Variants in NEGR1 observed in about 807,000 individuals in gnomAD.
NEGR1 encodes IgLON family member 4.
Under a neutral mutation model 40.9 loss-of-function variants are expected in NEGR1, and 10 were observed. The ratio of observed to expected loss-of-function variants is 0.24; its 90% CI spans 0.15 to 0.42. The LOEUF (loss-of-function observed/expected upper bound fraction) is 0.42. NEGR1 is among the 10% of genes least tolerant of loss of function. The pLI is 1.00. For synonymous variants in NEGR1, 185 were observed against 166.8 expected (o/e 1.11, Z -0.84); for missense variants, 352 against 438.9 (o/e 0.80, Z 1.77).
chr1:72,040,308 A>C (rs1442593114), intron 1 of NEGR1, among the ~76,000 whole-genome samples: 2 of 151,912 alleles, frequency 1.3e-5, no homozygotes, highest in Non-Finnish European at 2.9e-5. Flanking sequence ...TTCTGTGTTG[A>C]ATCTGCAATA....
At chr1:71,822,621 G>A (rs1658472991) in intron 2 of NEGR1, among the ~76,000 whole-genome samples, 1 of 151,988 alleles carries the variant, frequency 6.6e-6, no homozygotes, top group Non-Finnish European at 1.5e-5. Flanking sequence ...GGACACATGA[G>A]GGCAGGTTGA....
chr1:71,443,044 T>C (rs934479538), intron 6 of NEGR1, among the ~76,000 whole-genome samples: 2 of 152,172 alleles, frequency 1.3e-5, no homozygotes, highest in Non-Finnish European at 2.9e-5. Flanking sequence ...CTTTGAGTAA[T>C]ATTTGTTCAC....
chr1:72,055,076 T>C (rs1042150511), intron 1 of NEGR1, among the ~76,000 whole-genome samples: 17 of 151,336 alleles, frequency 1.1e-4, no homozygotes, highest in Admixed American at 2.6e-4. Context: ...ATAGGTGACG[T>C]AGACCACATG....
intron 6 of NEGR1, chr1:71,422,863 A>C (rs1268289527): frequency 6.6e-6 from 1 of 151,612 alleles, no homozygotes; most frequent in Admixed American, 6.6e-5. Flanking sequence ...CTGCAAATAC[A>C]TCTCTTTATA....
intron 1 of NEGR1, among the ~76,000 whole-genome samples, chr1:72,024,120 T>C (rs982146773): frequency 6.6e-6 from 1 of 152,154 alleles, no homozygotes; most frequent in Non-Finnish European, 1.5e-5. Flanking sequence ...AAACTTAGAT[T>C]AGAATGTTTG....
At chr1:71,987,284 A>G (rs142399027) in intron 1 of NEGR1, among the ~76,000 whole-genome samples, 7 of 152,280 alleles carry the variant, frequency 4.6e-5, no homozygotes, top group African/African-American at 1.7e-4. Flanking sequence ...TGAAAGAAGT[A>G]CTCGAGGGTT....
At chr1:71,994,026 C>G (rs1646479351) in intron 1 of NEGR1, among the ~76,000 whole-genome samples, 1 of 152,104 alleles carries the variant, frequency 6.6e-6, no homozygotes, top group African/African-American at 2.4e-5. Context: ...GCCTTCTTAT[C>G]CCCAAGACCT....
At chr1:71,567,708 G>A (rs907498202) in intron 6 of NEGR1, among the ~76,000 whole-genome samples, 7 of 152,070 alleles carry the variant, frequency 4.6e-5, no homozygotes, top group East Asian at 1.9e-4. Context: ...TACACTAAAT[G>A]TTTGTGTCCC....
intron 2 of NEGR1, among the ~76,000 whole-genome samples, chr1:71,830,806 G>A (rs1361147676): frequency 6.6e-6 from 1 of 151,822 alleles, no homozygotes; most frequent in African/African-American, 2.4e-5. Context: ...CATTCGTTCA[G>A]TAGATATTCA....
intron 2 of NEGR1, among the ~76,000 whole-genome samples, chr1:71,841,543 C>T (rs1659238274): frequency 6.6e-6 from 1 of 151,942 alleles, no homozygotes; most frequent in Non-Finnish European, 1.5e-5. Context: ...CATATTTGTC[C>T]CCCACTGGGG....
intron 1 of NEGR1, among the ~76,000 whole-genome samples, chr1:72,269,753 GT>G (rs1013904924): frequency 5.3e-5 from 8 of 150,798 alleles, no homozygotes; most frequent in African/African-American, 9.7e-5. Flanking sequence ...TGGATGAGAG[GT>G]TTTTTTCAGA....
chr1:71,729,082 C>T (rs1478485614), intron 3 of NEGR1, among the ~76,000 whole-genome samples: 3 of 152,084 alleles, frequency 2.0e-5, no homozygotes, highest in African/African-American at 7.2e-5. Flanking sequence ...CTCACACCCT[C>T]TCCTTTTTCT....
intron 1 of NEGR1, among the ~76,000 whole-genome samples, chr1:72,220,452 G>A (rs1653975563): frequency 6.6e-6 from 1 of 151,514 alleles, no homozygotes; most frequent in East Asian, 1.9e-4. Flanking sequence ...CTGGCACAAA[G>A]TAAATGTATT....
intron 2 of NEGR1, among the ~76,000 whole-genome samples, chr1:71,913,129 A>G (rs1303327822): frequency 6.6e-6 from 1 of 152,068 alleles, no homozygotes; most frequent in Admixed American, 6.6e-5. Context: ...TAATTAATTA[A>G]TTCTGAGATG....
intron 5 of NEGR1, among the ~76,000 whole-genome samples, chr1:71,609,514 CAAAAAAAAAAAAAAAAAAAAAAA>C (rs61728217): frequency 2.4e-3 from 58 of 24,098 alleles, no homozygotes; most frequent in East Asian, 0.02. Flanking sequence ...GACTCCGTCT[CAAAAAAAAAAAAAAAAAAAAAAA>C]AAAAAAAAAA....
chr1:71,568,848 G>A (rs1486082111), intron 6 of NEGR1, among the ~76,000 whole-genome samples: 17 of 151,092 alleles, frequency 1.1e-4, no homozygotes, highest in Admixed American at 8.6e-4. Flanking sequence ...GTGTGTGTGT[G>A]TGTGTGTGTG....
At chr1:71,547,572 C>A (rs182203499) in intron 6 of NEGR1, among the ~76,000 whole-genome samples, 3 of 151,748 alleles carry the variant, frequency 2.0e-5, no homozygotes, top group Admixed American at 6.6e-5. Context: ...AAAGATATTT[C>A]GAGATGTCAA....
chr1:71,858,946 T>A (rs1370506084), intron 2 of NEGR1, among the ~76,000 whole-genome samples: 2 of 152,060 alleles, frequency 1.3e-5, no homozygotes, highest in Non-Finnish European at 2.9e-5. Context: ...ATCTCATGCC[T>A]GGTTCCCTGT....
intron 1 of NEGR1, among the ~76,000 whole-genome samples, chr1:71,954,589 GA>G (rs947615292): frequency 6.6e-6 from 1 of 151,666 alleles, no homozygotes; most frequent in Non-Finnish European, 1.5e-5. Flanking sequence ...AGGAGAATCA[GA>G]AAAAAAGAGT....
Sources: allele counts gnomAD v4.1 joint callset (sites outside exome capture counted in the v4.1 genomes callset), GRCh38; gene constraint gnomAD v4.1.1; transcripts MANE v1.5; gene names NCBI Gene and HGNC (gene_info 2026-07-23, HGNC 2026-07-21).